The following MYH9 variants were observed in gnomAD, a reference collection of about 807,000 sequenced individuals.
MYH9 encodes myosin-9.
A neutral mutation model predicts 241.9 loss-of-function variants in MYH9; 29 were observed. The observed-to-expected ratio is 0.12, with a 90% CI of 0.09 to 0.16. The LOEUF is 0.16. MYH9 is among the 10% of genes least tolerant of loss of function. MYH9 has a pLI of 1.00. For missense variants in MYH9, 1,803 were observed against 2,595.5 expected (o/e 0.69, Z 6.63); for synonymous variants, 1,047 against 1,062.6 (o/e 0.99, Z 0.29).
chr22:36,300,226 C>T lies in MYH9; in HGVS notation c.2877G>A (p.Arg959=), dbSNP rs1243466031. Residue 959 remains arginine, a synonymous_variant, in exon 23 of 41, where the codon CGG becomes CGA. Coordinates refer to ENST00000216181, the MANE Select transcript of MYH9 (RefSeq NM_002473.6). This position sits in a 1 kb window ranked among gnomAD's most constrained non-coding sequence, Gnocchi z 5.0. ...TCACCTTCTCCAGCTGCAGCTTCTGCCGGGCGCTCTCCTCCTCCTCCAGCT... is the reference window on the plus strand; with the variant it reads ...TCACCTTCTCCAGCTGCAGCTTCTGTCGGGCGCTCTCCTCCTCCTCCAGCT... ...EEQLEEEESA[R]QKLQLEKVTT... 2 of 1,613,456 alleles carry T rather than the reference C, an allele frequency of 1.2e-6. No individual in the cohort carries two copies. Among genetic ancestry groups the T allele is most frequent in the Non-Finnish European group, 1.7e-6 (2 of 1,180,034 alleles).
chr22:36,309,233 G>T, intron 15 of MYH9, 49 bp downstream of exon 15: 1 of 1,509,852 alleles, frequency 6.6e-7, no homozygotes, highest in Non-Finnish European at 9.2e-7. Context: ...GTGGGAAGAT[G>T]ACCAGCCGCA....
At chr22:36,334,146 C>G (rs2017463109) in intron 3 of MYH9, among the ~76,000 whole-genome samples, 1 of 151,868 alleles carries the variant, frequency 6.6e-6, no homozygotes, top group Admixed American at 6.6e-5. Context: ...CCGTTAACTG[C>G]AGATTCCTCT....
chr22:36,346,259 G>A (rs377066733), intron 2 of MYH9, among the ~76,000 whole-genome samples: 7 of 152,098 alleles, frequency 4.6e-5, no homozygotes, highest in South Asian at 2.1e-4. Flanking sequence ...GGTGGGCATC[G>A]ATGGCAGAAA....
intron 1 of MYH9, among the ~76,000 whole-genome samples, chr22:36,351,211 A>G (rs1014891436): frequency 2.0e-5 from 3 of 152,216 alleles, no homozygotes; most frequent in African/African-American, 7.2e-5. Context: ...CCCTTTCGCC[A>G]GGAGGGACAC....
rs759425387 is a variant in MYH9, at chr22:36,318,241, C to T, written c.1193G>A (p.Arg398Gln). ...GILTPRIKVG[R>Q]DYVQKAQTKE... The stretch of plus-strand genomic sequence containing the variant: ...AGTCTGCGCCTTCTGGACGTAATCC[C>T]GTCCCACCTTGATGCGCGGGGTGAG... Residue 398 changes from arginine to glutamine, a missense_variant, in exon 11 of 41, where the codon CGG becomes CAG. Transcript: ENST00000216181. 2.5e-6 allele frequency: 4 copies of T among 1,613,768 alleles called. No individual in the cohort carries two copies. Among genetic ancestry groups the T allele is most frequent in the Non-Finnish European group, 2.5e-6 (3 of 1,180,032 alleles).
chr22:36,357,595 G>C (rs1456455313), intron 1 of MYH9, among the ~76,000 whole-genome samples: 1 of 152,154 alleles, frequency 6.6e-6, no homozygotes, highest in East Asian at 1.9e-4. Context: ...ATCACACCCG[G>C]TTGAGCCCAC....
chr22:36,337,672 G>C (rs2017520097), intron 3 of MYH9, among the ~76,000 whole-genome samples: 3 of 152,280 alleles, frequency 2.0e-5, no homozygotes, highest in East Asian at 3.9e-4. Flanking sequence ...AGCACAAAAG[G>C]AACTTTCCGG....
At chr22:36,284,288 C>T (rs1410338883) in intron 39 of MYH9, 23 bp from the exon 40 acceptor site, 12 of 1,606,162 alleles carry the variant, frequency 7.5e-6, no homozygotes, top group Non-Finnish European at 1.0e-5. Flanking sequence ...ACGTGTGGCC[C>T]GTGGCCCCGG....
chr22:36,310,087 T>TA (rs748744730), intron 14 of MYH9, among the ~76,000 whole-genome samples: 70 of 151,870 alleles, frequency 4.6e-4, no homozygotes, highest in Non-Finnish European at 9.0e-4. Flanking sequence ...CCATCTCTAT[T>TA]AAAAATACAA....
At chr22:36,387,074 G>A (rs1465388384) in intron 1 of MYH9, among the ~76,000 whole-genome samples, 1 of 152,226 alleles carries the variant, frequency 6.6e-6, no homozygotes, top group Non-Finnish European at 1.5e-5. Flanking sequence ...GAAGTCGGAG[G>A]TCGAGGGCTG....
intron 31 of MYH9, among the ~76,000 whole-genome samples, chr22:36,289,725 C>T (rs2016654356): frequency 6.6e-6 from 1 of 152,198 alleles, no homozygotes; most frequent in South Asian, 2.1e-4. Flanking sequence ...CTAATGACAG[C>T]TGCTGTCCCC....
intron 1 of MYH9, among the ~76,000 whole-genome samples, chr22:36,376,097 G>C (rs1295983147): frequency 6.6e-6 from 1 of 151,302 alleles, no homozygotes; most frequent in African/African-American, 2.4e-5. Context: ...CAGTAGCAGG[G>C]ATTACTGGCA....
intron 3 of MYH9, chr22:36,328,787 GAAGGAC>G (rs1217268830): frequency 2.6e-5 from 4 of 152,252 alleles, no homozygotes; most frequent in African/African-American, 9.6e-5. Flanking sequence ...AGCGACGTGT[GAAGGAC>G]ACACTGAGTG....
rs1168228195 is a variant in MYH9 at position 36,282,538 on chromosome 22, G to A, written c.*130C>T. On this transcript the variant is annotated 3_prime_UTR_variant, in exon 41 of 41. Transcript: ENST00000216181. ...CTGGAGGGAAACGGGATGGGGGGAC[G>A]GGGCGGAGGGCAGGAGGAGGCATGT... 3.5e-5 allele frequency: 31 copies of A among 886,786 alleles called. No homozygotes were observed. The highest frequency in any genetic ancestry group is 4.9e-5 in the Non-Finnish European group (26 of 528,650). The allele number at this position is 886,786 out of a possible 1,614,324, so 54.9% of individuals were successfully genotyped here.
At position 36,312,033 on chromosome 22, in the gene MYH9, C is replaced by T. The variant is rs369955954; in HGVS notation, c.1728+16G>A. 2.0e-5 allele frequency: 32 copies of T among 1,613,580 alleles called. No homozygotes were observed. The Middle Eastern group carries it at 6.8e-4, about 34-fold the overall frequency. ...TGTGAAGATCTGGCCAGCACCTCCC[C>T]GTGAGCGCTCCTCACCTTGCCGGCA... On this transcript the variant is annotated intron_variant, in intron 14 of 40. Transcript: ENST00000216181.
intron 1 of MYH9, among the ~76,000 whole-genome samples, chr22:36,380,904 A>T (rs2018246804): frequency 6.6e-6 from 1 of 152,216 alleles, no homozygotes; most frequent in African/African-American, 2.4e-5. Flanking sequence ...CGCTTTCCAG[A>T]CACACATGCA....
At chr22:36,334,169 A>T (rs5995285) in intron 3 of MYH9, among the ~76,000 whole-genome samples, 1 of 152,148 alleles carries the variant, frequency 6.6e-6, no homozygotes, top group African/African-American at 2.4e-5. Context: ...TAGAAAGAAG[A>T]AGTTCTAGAA....
chr22:36,293,673 T>C lies in MYH9; in HGVS notation c.3942+86A>G, dbSNP rs947188114. 4 of 1,368,264 alleles carry C rather than the reference T, an allele frequency of 2.9e-6. No individual in the cohort carries two copies. Among genetic ancestry groups the C allele is most frequent in the African/African-American group, 2.9e-5 (2 of 69,990 alleles). The allele number at this position is 1,368,264 out of a possible 1,614,324, so 84.8% of individuals were successfully genotyped here. On this transcript the variant is annotated intron_variant, in intron 29 of 40. Coordinates refer to ENST00000216181, the MANE Select transcript of MYH9 (RefSeq NM_002473.6). The surrounding 1 kb of genome is among the most constrained non-coding windows in gnomAD (Gnocchi z 5.1). The stretch of plus-strand genomic sequence containing the variant: ...AGCAGATGAAGGAGAGGATGGGCAA[T>C]CCGATGGGCTCTGAAGCTAATGTTG...
At chr22:36,386,418 C>T (rs2018351596) in intron 1 of MYH9, among the ~76,000 whole-genome samples, 1 of 152,162 alleles carries the variant, frequency 6.6e-6, no homozygotes, top group Non-Finnish European at 1.5e-5. Flanking sequence ...TCCCTCCTTA[C>T]CAAAAAGGGA....
Sources: allele counts gnomAD v4.1 joint callset (sites outside exome capture counted in the v4.1 genomes callset), GRCh38; gene constraint gnomAD v4.1.1; non-coding constraint Gnocchi (gnomAD v3.1); transcripts MANE v1.5; gene names NCBI Gene and HGNC (gene_info 2026-07-23, HGNC 2026-07-21).